Variants in THSD4 observed in about 807,000 individuals in gnomAD.
THSD4 encodes the protein thrombospondin type-1 domain-containing protein 4.
THSD4 carries 69 observed loss-of-function variants against 119.0 expected under a neutral mutation model. The ratio of observed to expected loss-of-function variants is 0.58; its 90% CI spans 0.48 to 0.71. The LOEUF (loss-of-function observed/expected upper bound fraction) is 0.71, where lower values mean the gene tolerates loss of function less well. Among genes scored for constraint, THSD4 ranks in the 30% least tolerant of loss-of-function variants. The pLI, the probability that THSD4 is intolerant of heterozygous loss-of-function variation, is 0.00. For synonymous variants in THSD4, 524 were observed against 540.4 expected (o/e 0.97, Z 0.42); for missense variants, 1,393 against 1,391.1 (o/e 1.00, Z -0.02).
chr15:71,348,975 C>T (rs1179303207), intron 6 of THSD4, among the ~76,000 whole-genome samples: 2 of 152,210 alleles, frequency 1.3e-5, no homozygotes, highest in African/African-American at 4.8e-5. Flanking sequence ...ATTGTAATCT[C>T]TATAGTAATC....
intron 17 of THSD4, among the ~76,000 whole-genome samples, chr15:71,773,218 A>AAG (rs1472657515): frequency 7.5e-6 from 1 of 132,702 alleles, no homozygotes; most frequent in African/African-American, 3.8e-5. Flanking sequence ...AAAAAAAAGA[A>AAG]AAAGAAAAAA....
chr15:71,384,492 T>C (rs1025296986), intron 6 of THSD4, among the ~76,000 whole-genome samples: 6 of 152,238 alleles, frequency 3.9e-5, no homozygotes, highest in Non-Finnish European at 8.8e-5. Context: ...ATAAACACTT[T>C]ATCCAGCTTG....
chr15:71,404,663 G>A (rs2046580650), intron 6 of THSD4, among the ~76,000 whole-genome samples: 1 of 152,088 alleles, frequency 6.6e-6, no homozygotes, highest in South Asian at 2.1e-4. Flanking sequence ...CTCATTAATG[G>A]GATTAGTACC....
intron 8 of THSD4, among the ~76,000 whole-genome samples, chr15:71,727,508 C>T (rs1429445846): frequency 2.9e-5 from 4 of 137,962 alleles, no homozygotes; most frequent in African/African-American, 8.5e-5. Flanking sequence ...CCAGCCTGGG[C>T]AACATGGCAA....
At chr15:71,254,357 G>T (rs1596295313) in intron 5 of THSD4, among the ~76,000 whole-genome samples, 1 of 152,302 alleles carries the variant, frequency 6.6e-6, no homozygotes, top group South Asian at 2.1e-4. Context: ...AAAGGGGTTG[G>T]ATTTGATTCT....
intron 6 of THSD4, among the ~76,000 whole-genome samples, chr15:71,301,990 G>A (rs1351977449): frequency 2.6e-5 from 4 of 152,154 alleles, no homozygotes; most frequent in African/African-American, 9.7e-5. Flanking sequence ...AGCAACTTCA[G>A]GGCCTTCTGA....
chr15:71,364,080 A>G (rs1240950324), intron 6 of THSD4, among the ~76,000 whole-genome samples: 2 of 152,210 alleles, frequency 1.3e-5, no homozygotes, highest in African/African-American at 4.8e-5. Context: ...GCCTGTGGGA[A>G]TACAAGGTGA....
At chr15:71,350,167 A>G (rs558475127) in intron 6 of THSD4, among the ~76,000 whole-genome samples, 52 of 150,622 alleles carry the variant, frequency 3.5e-4, no homozygotes, top group Admixed American at 1.3e-3. Flanking sequence ...AAAAATGAAC[A>G]TTGATGCCAA....
intron 6 of THSD4, among the ~76,000 whole-genome samples, chr15:71,372,586 A>AAACAGCAAATATTGCTG (rs1217560779): frequency 6.6e-6 from 1 of 152,352 alleles, no homozygotes; most frequent in East Asian, 1.9e-4. Context: ...GGAGGCTGCA[A>AAACAGCAAATATTGCTG]AACAGCAAAT....
intron 7 of THSD4, among the ~76,000 whole-genome samples, chr15:71,481,448 A>G (rs563249521): frequency 5.3e-5 from 8 of 152,246 alleles, no homozygotes; most frequent in African/African-American, 1.9e-4. Flanking sequence ...TGATGCTTTC[A>G]CTGAACCACA....
chr15:71,617,704 T>G (rs72742727), intron 7 of THSD4, among the ~76,000 whole-genome samples: 28,754 of 152,212 alleles, frequency 0.19, 3,063 homozygotes, highest in Non-Finnish European at 0.24. Flanking sequence ...TGGAACAAAA[T>G]GCAGTGAGCC....
chr15:71,180,142 T>TA (rs71152334), intron 3 of THSD4, among the ~76,000 whole-genome samples: 27 of 120,646 alleles, frequency 2.2e-4, no homozygotes, highest in African/African-American at 6.6e-4. Context: ...TAGAGTATAA[T>TA]AAAAAAAAAA....
chr15:71,289,226 G>A (rs2044759353), intron 6 of THSD4, among the ~76,000 whole-genome samples: 1 of 152,138 alleles, frequency 6.6e-6, no homozygotes, highest in Non-Finnish European at 1.5e-5. Flanking sequence ...AAGACTCCCA[G>A]GACCCCATGG....
At chr15:71,520,639 T>TTA (rs2048426457) in intron 7 of THSD4, among the ~76,000 whole-genome samples, 1 of 152,224 alleles carries the variant, frequency 6.6e-6, no homozygotes. Context: ...CATTAAGCAC[T>TTA]TACAATGTGT....
At chr15:71,150,804 G>A (rs1045254730) in intron 2 of THSD4, among the ~76,000 whole-genome samples, 6 of 152,162 alleles carry the variant, frequency 3.9e-5, no homozygotes, top group African/African-American at 1.4e-4. Flanking sequence ...TCCCGAAGTG[G>A]CTTTGGACAT....
At chr15:71,216,334 T>A (rs967750752) in intron 4 of THSD4, among the ~76,000 whole-genome samples, 1 of 152,228 alleles carries the variant, frequency 6.6e-6, no homozygotes, top group African/African-American at 2.4e-5. Flanking sequence ...CTTGCCCCCT[T>A]GCCCACTCAC....
At chr15:71,134,284 G>A (rs951465208) in intron 1 of THSD4, among the ~76,000 whole-genome samples, 8 of 152,230 alleles carry the variant, frequency 5.3e-5, no homozygotes, top group East Asian at 1.9e-4. Flanking sequence ...CAAGGTCAGC[G>A]TCCCTGAATA....
intron 8 of THSD4, among the ~76,000 whole-genome samples, chr15:71,681,760 A>G (rs538915154): frequency 4.9e-4 from 74 of 152,082 alleles, no homozygotes; most frequent in African/African-American, 1.8e-3. Context: ...TTTGAGTTGT[A>G]TCCAGTAAAT....
At chr15:71,329,746 A>T (rs2045397927) in intron 6 of THSD4, among the ~76,000 whole-genome samples, 1 of 152,164 alleles carries the variant, frequency 6.6e-6, no homozygotes, top group Non-Finnish European at 1.5e-5. Context: ...CAATAAAATG[A>T]AGGGTGCTTA....
Sources: allele counts gnomAD v4.1 joint callset (sites outside exome capture counted in the v4.1 genomes callset), GRCh38; gene constraint gnomAD v4.1.1; transcripts MANE v1.5; gene names NCBI Gene and HGNC (gene_info 2026-07-23, HGNC 2026-07-21).